Variants in PSIP1 observed in about 807,000 individuals in gnomAD.
The protein encoded by PSIP1 is PC4 and SRSF1 interacting protein 1, also known as PC4 and SFRS1-interacting protein.
Under a neutral mutation model 74.7 loss-of-function variants are expected in PSIP1, and 19 were observed. The observed-to-expected ratio is 0.25, with a 90% CI of 0.18 to 0.37. PSIP1 has a LOEUF of 0.37. PSIP1 is among the 10% of genes least tolerant of loss of function. PSIP1 has a pLI of 1.00. For synonymous variants in PSIP1, 222 were observed against 195.3 expected, an observed-to-expected ratio of 1.14 and a Z score of -1.14; for missense variants, 601 against 614.3, an observed-to-expected ratio of 0.98 and a Z score of 0.23.
intron 3 of PSIP1, among the ~76,000 whole-genome samples, chr9:15,496,585 T>C (rs748362702): frequency 2.3e-4 from 35 of 152,306 alleles, no homozygotes; most frequent in Non-Finnish European, 4.7e-4. Context: ...TATTCTTAAC[T>C]TTGCTAAGTA....
intron 3 of PSIP1, among the ~76,000 whole-genome samples, chr9:15,495,769 A>C (rs766921355): frequency 6.6e-6 from 1 of 152,140 alleles, no homozygotes; most frequent in Non-Finnish European, 1.5e-5. Context: ...TATTAATAGG[A>C]TATCTTCATA....
chr9:15,465,354 T>G lies in PSIP1; in HGVS notation c.*166A>C. 1.7e-6 allele frequency: 1 copy of G among 601,374 alleles called. No individual in the cohort carries two copies. Among genetic ancestry groups the G allele is most frequent in the Non-Finnish European group, 2.9e-6 (1 of 348,876 alleles). 37.3% of individuals were successfully genotyped at this position (601,374 alleles called of 1,614,324 possible). ...AGCTGTTAATACTGCACAAGTACACTTAGCGATAATGTTTACTTTACTTTA... is the reference window on the plus strand; with the variant it reads ...AGCTGTTAATACTGCACAAGTACACGTAGCGATAATGTTTACTTTACTTTA... On this transcript the variant is annotated 3_prime_UTR_variant, in exon 16 of 16. Coordinates refer to ENST00000380733, the MANE Select transcript of PSIP1 (RefSeq NM_033222.5).
At chr9:15,498,434 A>G (rs1220441712) in intron 3 of PSIP1, among the ~76,000 whole-genome samples, 2 of 152,088 alleles carry the variant, frequency 1.3e-5, no homozygotes, top group Admixed American at 6.6e-5. Context: ...AAACAAAACA[A>G]AAAAACAAAG....
chr9:15,476,786 A>C (rs953192616), intron 8 of PSIP1, among the ~76,000 whole-genome samples: 3 of 152,208 alleles, frequency 2.0e-5, no homozygotes, highest in Admixed American at 1.3e-4. Flanking sequence ...ACATTACCAA[A>C]AGTGACACCA....
chr9:15,470,367 TG>T (rs1196635504), intron 10 of PSIP1, among the ~76,000 whole-genome samples: 3 of 152,148 alleles, frequency 2.0e-5, no homozygotes, highest in Non-Finnish European at 4.4e-5. Context: ...TCATTGTGCA[TG>T]TAACAAGCAG....
At chr9:15,485,239 A>G (rs1043705095) in intron 6 of PSIP1, among the ~76,000 whole-genome samples, 4 of 152,144 alleles carry the variant, frequency 2.6e-5, no homozygotes, top group Non-Finnish European at 5.9e-5. Flanking sequence ...ATGAAATACA[A>G]TACTCAAGAT....
intron 8 of PSIP1, among the ~76,000 whole-genome samples, chr9:15,477,282 C>T (rs958431022): frequency 3.3e-5 from 5 of 152,318 alleles, no homozygotes; most frequent in Non-Finnish European, 7.4e-5. Context: ...TACGTATACA[C>T]TGTGGAATGG....
rs1587453245 is a variant in PSIP1 at position 15,468,446 on chromosome 9, T to A, written c.1420+184A>T. 4 of 781,176 alleles carry A rather than the reference T, an allele frequency of 5.1e-6. No homozygotes were observed. In the East Asian group the frequency reaches 9.8e-5, roughly 19 times the overall value. 48.4% of individuals were successfully genotyped at this position (781,176 alleles called of 1,614,324 possible). A position where few individuals can be genotyped will look rare whatever the true frequency, so the allele number is the denominator to read the frequency against. On this transcript the variant is annotated intron_variant, in intron 14 of 15. Transcript: ENST00000380733. Reference sequence around the variant, plus strand: ...GAAGTCGAATATAAACTGACATGATTTTTTGTTCTCAATGCACACTGCTCT... The same window carrying A: ...GAAGTCGAATATAAACTGACATGATATTTTGTTCTCAATGCACACTGCTCT...
intron 8 of PSIP1, among the ~76,000 whole-genome samples, chr9:15,475,140 A>G (rs1210234702): frequency 6.6e-6 from 1 of 152,208 alleles, no homozygotes; most frequent in East Asian, 1.9e-4. Flanking sequence ...GTTGGAAGAG[A>G]AGAAATTTAC....
chr9:15,492,803 C>T (rs2036896170), intron 3 of PSIP1, among the ~76,000 whole-genome samples: 1 of 152,226 alleles, frequency 6.6e-6, no homozygotes, highest in South Asian at 2.1e-4. Flanking sequence ...GACCCAACAC[C>T]ATGTGGAAGC....
intron 11 of PSIP1, 90 bp from the exon 12 acceptor site, chr9:15,469,426 T>TA (rs565558041): frequency 3.0e-3 from 2,006 of 659,660 alleles, no homozygotes; most frequent in South Asian, 5.0e-3. Context: ...TTAGTGGACT[T>TA]AAAAAAAAAA....
rs541156527 is a variant in PSIP1 at position 15,470,817 on chromosome 9, A to G, written c.978-824T>C. On this transcript the variant is annotated intron_variant, in intron 10 of 15. Transcript: ENST00000380733. ...GGGATATAACTGCTATTCCAGTTTA[A>G]TAACTAGCTTCAAAACAAAATGAAT... 3.9e-6 allele frequency: 4 copies of G among 1,035,194 alleles called. No individual in the cohort carries two copies. The East Asian group carries it at 1.7e-4, about 45-fold the overall frequency. 64.1% of individuals were successfully genotyped at this position (1,035,194 alleles called of 1,614,324 possible). A position where few individuals can be genotyped will look rare whatever the true frequency, so the allele number is the denominator to read the frequency against.
At position 15,469,047 on chromosome 9, in the gene PSIP1, T is replaced by G; in HGVS notation, c.1116A>C (p.Arg372Ser). 1 of 1,613,450 alleles carries G rather than the reference T, an allele frequency of 6.2e-7. No homozygotes were observed. Among genetic ancestry groups the G allele is most frequent in the African/African-American group, 1.3e-5 (1 of 75,012 alleles). ...SLKIDNLDVNRCIEALDELAS... is the reference protein window; with the variant it reads ...SLKIDNLDVNSCIEALDELAS... ...CAAGTTCATCCAAGGCCTCAATGCA[T>G]CTGTTCACATCCTTCATGACAAAAC... The change falls in exon 13 of 16, where the codon AGA becomes AGC. Residue 372 changes from arginine (R) to serine (S), a missense_variant. Around this residue, in one of 2 missense-constraint regions of PSIP1, gnomAD observed 538 missense variants for 507.6 expected, o/e 1.06. Coordinates refer to ENST00000380733, the MANE Select transcript of PSIP1 (RefSeq NM_033222.5).
At chr9:15,478,440 C>T in intron 8 of PSIP1, 37 bp downstream of exon 8, 2 of 1,418,584 alleles carry the variant, frequency 1.4e-6, no homozygotes, top group South Asian at 2.4e-5. Flanking sequence ...TCAAATGTCT[C>T]ATTTATTGCA....
At chr9:15,487,653 A>G (rs894668414) in intron 4 of PSIP1, among the ~76,000 whole-genome samples, 1 of 152,206 alleles carries the variant, frequency 6.6e-6, no homozygotes, top group Non-Finnish European at 1.5e-5. Context: ...TTCAGATAAC[A>G]ATCAATTCTG....
intron 10 of PSIP1, chr9:15,471,916 A>C (rs548169190): frequency 5.1e-6 from 5 of 982,632 alleles, no homozygotes; most frequent in Admixed American, 1.2e-4. Flanking sequence ...ACGAGAAAAG[A>C]AAAGCATGTC....
At chr9:15,504,903 T>C (rs2037514611) in intron 3 of PSIP1, 1 of 151,816 alleles carries the variant, frequency 6.6e-6, no homozygotes, top group Admixed American at 6.6e-5. Context: ...TTAAAACAGG[T>C]CTTTGGCTCC....
intron 8 of PSIP1, 135 bp from the exon 9 acceptor site, chr9:15,474,372 A>G: frequency 8.7e-6 from 6 of 693,506 alleles, no homozygotes; most frequent in Non-Finnish European, 1.3e-5. Context: ...TCCAATCATA[A>G]AAGGAATTCT....
At chr9:15,501,092 C>G (rs1201348646) in intron 3 of PSIP1, among the ~76,000 whole-genome samples, 1 of 151,840 alleles carries the variant, frequency 6.6e-6, no homozygotes, top group Non-Finnish European at 1.5e-5. Context: ...TAATATTATC[C>G]CCACTTTACA....
Sources: gnomAD v4.1 joint callset for allele counts (sites outside exome capture counted in the v4.1 genomes callset) on GRCh38, gnomAD v4.1.1 for gene constraint, gnomAD v4.1.1 regional missense constraint, MANE v1.5 for transcripts, NCBI Gene and HGNC (gene_info 2026-07-23, HGNC 2026-07-21) for gene names.